Variants in ZFP57 observed in about 807,000 individuals in gnomAD.
The protein encoded by ZFP57 is ZFP57 zinc finger protein.
In ZFP57, 12 loss-of-function variants were observed where a neutral mutation model predicts 15.8. The ratio of observed to expected loss-of-function variants is 0.76; its 90% CI spans 0.49 to 1.23. ZFP57 has a LOEUF of 1.23. Ranked by LOEUF, ZFP57 falls within the 50% of genes most tolerant of loss-of-function variation. ZFP57 has a pLI of 0.00. For missense variants in ZFP57, 536 were observed against 654.9 expected (o/e 0.82, Z 1.98); for synonymous variants, 203 against 242.3 (o/e 0.84, Z 1.51).
At chr6:29,680,743 A>T (rs1314272397) in intron 1 of ZFP57, among the ~76,000 whole-genome samples, 2 of 152,220 alleles carry the variant, frequency 1.3e-5, no homozygotes, top group Non-Finnish European at 2.9e-5. Context: ...TTATGTGCTC[A>T]GAAACGGTCC....
At position 29,672,687 on chromosome 6, in the gene ZFP57, C is replaced by A; in HGVS notation, c.1424G>T (p.Cys475Phe). The A allele has an allele frequency of 6.2e-7, 1 of 1,612,626 alleles. No homozygotes were observed. The highest frequency in any genetic ancestry group is 2.2e-5 in the East Asian group (1 of 44,862). Reference protein sequence around the residue: ...KDLCQSSHHKCRVILGQWLGF... With the variant: ...KDLCQSSHHKFRVILGQWLGF... ...AAGCCACTGGCCCAGGATCACCCGG[C>A]ATTTATGGTGGCTGCTCTGGCACAG... The change falls in exon 5 of 5, where the codon TGC (cysteine) becomes TTC (phenylalanine). Residue 475 changes from cysteine (C) to phenylalanine (F), a missense_variant. Coordinates refer to ENST00000376883, the MANE Select transcript of ZFP57 (RefSeq NM_001109809.5).
chr6:29,675,177 G>A (rs868810220), intron 4 of ZFP57, among the ~76,000 whole-genome samples: 1 of 131,122 alleles, frequency 7.6e-6, no homozygotes, highest in African/African-American at 2.7e-5. Context: ...AAAAAAAAGA[G>A]AGAGAGAGAG....
chr6:29,676,054 T>G lies in ZFP57; in HGVS notation c.129A>C (p.Pro43=), dbSNP rs374295115. The G allele has an allele frequency of 4.4e-6, 7 of 1,606,294 alleles. No homozygotes were observed. Among genetic ancestry groups the G allele is most frequent in the African/African-American group, 1.4e-5 (1 of 73,442 alleles). The change falls in exon 3 of 5, where the codon CCA becomes CCC. Residue 43 remains proline, a synonymous_variant. Transcript: ENST00000376883. ...TCACTGCCACATCCTCAAAGGTGAC[T>G]GGCTTCTGGAAGAACAGGAGAGACT... is the stretch of plus-strand genomic sequence containing the variant. ...CWREARVKKK[P]VTFEDVAVNF...
Position 29,672,625 on chromosome 6 carries a change from C to A in ZFP57, c.1486G>T (p.Glu496Ter). 6.2e-7 allele frequency: 1 copy of A among 1,611,032 alleles called. No individual in the cohort carries two copies. The highest frequency in any genetic ancestry group is 8.5e-7 in the Non-Finnish European group (1 of 1,178,340). Residue 496 changes from glutamate (E) to a stop codon, truncating the protein, a stop_gained, in exon 5 of 5, where the codon GAA becomes TAA. Coordinates refer to ENST00000376883, the MANE Select transcript of ZFP57 (RefSeq NM_001109809.5). LOFTEE classifies it low-confidence loss of function (END_TRUNC). ...GATTGATCACCTCCATGCTTCCATT[C>A]CTCCCCAGCCATAGTGGGGACATCA... Reference protein sequence around the residue: ...SHDVPTMAGEEWKHGGDQSPP... With the variant: ...SHDVPTMAGE
chr6:29,673,789 T>C lies in ZFP57; in HGVS notation c.353-31A>G. ...GTGAATGAGGAAGAATAACACAAAATTCACTGTAAGAACTCCAACAGAGGC... is the reference window on the plus strand; with the variant it reads ...GTGAATGAGGAAGAATAACACAAAACTCACTGTAAGAACTCCAACAGAGGC... On this transcript the variant is annotated intron_variant, in intron 4 of 4. Coordinates refer to ENST00000376883, the MANE Select transcript of ZFP57 (RefSeq NM_001109809.5). The surrounding 1 kb of genome is among the most constrained non-coding windows in gnomAD (Gnocchi z 4.7). 1 of 1,612,516 alleles carries C rather than the reference T, an allele frequency of 6.2e-7. No individual in the cohort carries two copies. The highest frequency in any genetic ancestry group is 1.1e-5 in the South Asian group (1 of 91,080).
intron 1 of ZFP57, among the ~76,000 whole-genome samples, chr6:29,677,768 T>TACACACACACACACACACACAC (rs9278235): frequency 6.7e-6 from 1 of 149,516 alleles, no homozygotes; most frequent in African/African-American, 2.5e-5. Flanking sequence ...ACCAAAATTA[T>TACACACACACACACACACACAC]ACACACACAC....
intron 1 of ZFP57, among the ~76,000 whole-genome samples, chr6:29,679,910 C>A (rs3129059): frequency 0.22 from 22,902 of 106,162 alleles, 1,958 homozygotes; most frequent in East Asian, 0.32. Context: ...AACAAACAAA[C>A]AAAAAAAAAC....
At chr6:29,674,108 GA>G (rs1771927133) in intron 4 of ZFP57, among the ~76,000 whole-genome samples, 1 of 137,430 alleles carries the variant, frequency 7.3e-6, no homozygotes, top group East Asian at 2.1e-4. Flanking sequence ...AAAAAAAAAA[GA>G]AAGAAAGAAA....
chr6:29,672,567 CCT>C lies in ZFP57; in HGVS notation c.1542_1543del (p.Gly515ProfsTer21). 1 of 1,612,928 alleles carries C rather than the reference CCT, an allele frequency of 6.2e-7. No individual in the cohort carries two copies. The highest frequency in any genetic ancestry group is 8.5e-7 in the Non-Finnish European group (1 of 1,179,986). ...TCCTTTGCAGGCCTTCTCTCTTAGG[CCT>C]CTTCTCCTGGGGGTATGGATCCTGG... On this transcript the variant is annotated frameshift_variant, in exon 5 of 5. Transcript: ENST00000376883. LOFTEE classifies it low-confidence loss of function (END_TRUNC).
intron 4 of ZFP57, among the ~76,000 whole-genome samples, chr6:29,674,019 G>A (rs980199415): frequency 7.9e-5 from 12 of 151,882 alleles, no homozygotes; most frequent in Non-Finnish European, 1.5e-4. Context: ...ACTCGAACCC[G>A]GGAGGCGGAG....
At position 29,672,883 on chromosome 6, in the gene ZFP57, G is replaced by C; in HGVS notation, c.1228C>G (p.Pro410Ala). Residue 410 changes from proline (P) to alanine (A), a missense_variant, in exon 5 of 5, where the codon CCG becomes GCG. Physicochemically the swap from Pro to Ala is conservative, Grantham distance 27 (BLOSUM62 -1). Coordinates refer to ENST00000376883, the MANE Select transcript of ZFP57 (RefSeq NM_001109809.5). ...SRHQKAHLTE[P>A]PNYCFHCSKS... ...CTGCAATGGAAGCAGTAGTTGGGCG[G>C]CTCTGTGAGGTGGGCCTTCTGGTGT... 4 of 1,613,084 alleles carry C rather than the reference G, an allele frequency of 2.5e-6. No homozygotes were observed. Among genetic ancestry groups the C allele is most frequent in the Non-Finnish European group, 3.4e-6 (4 of 1,180,032 alleles).
intron 1 of ZFP57, among the ~76,000 whole-genome samples, chr6:29,677,768 T>TGCATACACACACACACAC (rs1554213262): frequency 6.7e-6 from 1 of 149,516 alleles, no homozygotes. Context: ...ACCAAAATTA[T>TGCATACACACACACACAC]ACACACACAC....
Position 29,675,196 on chromosome 6 carries a change from A to G in ZFP57, c.352+190T>C, listed in dbSNP as rs1434870085. Among the ~76,000 whole-genome samples the G allele has an allele frequency of 2.3e-5, 3 of 128,342 alleles. No individual in the cohort carries two copies. The East Asian group carries it at 7.9e-4, about 34-fold the overall frequency. The allele number at this position is 128,342 out of a possible 152,430, so 84.2% of individuals were successfully genotyped here. A position where few individuals can be genotyped will look rare whatever the true frequency, so the allele number is the denominator to read the frequency against. ...AAAAGAGAGAGAGAGAGAGACTTGG[A>G]TCTTCAACTTGAAGTCAAGGGACTT... On this transcript the variant is annotated intron_variant, in intron 4 of 4. Transcript: ENST00000376883.
At chr6:29,677,768 T>TAC (rs9278235) in intron 1 of ZFP57, among the ~76,000 whole-genome samples, 33,178 of 149,526 alleles carry the variant, frequency 0.22, 3,760 homozygotes, top group East Asian at 0.27. Flanking sequence ...ACCAAAATTA[T>TAC]ACACACACAC....
At chr6:29,675,348 G>A (rs768598122) in intron 4 of ZFP57, 38 bp downstream of exon 4, 8 of 1,439,020 alleles carry the variant, frequency 5.6e-6, no homozygotes, top group Non-Finnish European at 6.9e-6. Context: ...GGTTATCCTG[G>A]GCCCTTTTCC....
In ZFP57 at chr6:29,677,192, T is replaced by A. The variant is rs1772119284; in HGVS notation, c.-189A>T. 2.7e-6 allele frequency: 2 copies of A among 743,840 alleles called. No individual in the cohort carries two copies. The highest frequency in any genetic ancestry group is 5.3e-5 in the East Asian group (2 of 37,412). 46.1% of individuals were successfully genotyped at this position (743,840 alleles called of 1,614,324 possible). ...TGCTCCAAGAGGCTGTCTTCCTTTT[T>A]TGTTCTGCTGTCCAAATTCTCCTCT... On this transcript the variant is annotated 5_prime_UTR_variant, in exon 2 of 5. Coordinates refer to ENST00000376883, the MANE Select transcript of ZFP57 (RefSeq NM_001109809.5).
At position 29,673,357 on chromosome 6, in the gene ZFP57, C is replaced by T. The variant is rs762393813; in HGVS notation, c.754G>A (p.Val252Ile). 6.2e-6 allele frequency: 10 copies of T among 1,613,006 alleles called. No homozygotes were observed. The East Asian group carries it at 1.6e-4, about 25-fold the overall frequency. The change falls in exon 5 of 5, where the codon GTC becomes ATC. Residue 252 changes from valine (V) to isoleucine (I), a missense_variant. Physicochemically the swap from Val to Ile is conservative, Grantham distance 29. Transcript: ENST00000376883. The surrounding 1 kb of genome is among the most constrained non-coding windows in gnomAD (Gnocchi z 4.7). Reference sequence around the variant, plus strand: ...GAATGGGGCCGGTAACCCAGATGGACGCGGCGGTGACGACTTAGTCCAGAA... The same window carrying T: ...GAATGGGGCCGGTAACCCAGATGGATGCGGCGGTGACGACTTAGTCCAGAA... Reference protein sequence around the residue: ...DASGLSRHRRVHLGYRPHSCS... With the variant: ...DASGLSRHRRIHLGYRPHSCS...
chr6:29,673,801 A>G lies in ZFP57; in HGVS notation c.353-43T>C. The G allele has an allele frequency of 6.2e-7, 1 of 1,610,646 alleles. No homozygotes were observed. Among genetic ancestry groups the G allele is most frequent in the South Asian group, 1.1e-5 (1 of 91,022 alleles). On this transcript the variant is annotated intron_variant, in intron 4 of 4. Coordinates refer to ENST00000376883, the MANE Select transcript of ZFP57 (RefSeq NM_001109809.5). This position sits in a 1 kb window ranked among gnomAD's most constrained non-coding sequence, Gnocchi z 4.7. The stretch of plus-strand genomic sequence containing the variant: ...GAATAACACAAAATTCACTGTAAGA[A>G]CTCCAACAGAGGCTTGGCATGGTGG...
At chr6:29,674,483 CTA>C (rs1771972736) in intron 4 of ZFP57, among the ~76,000 whole-genome samples, 1 of 152,186 alleles carries the variant, frequency 6.6e-6, no homozygotes, top group African/African-American at 2.4e-5. Flanking sequence ...TTCTTGAAAT[CTA>C]TCTTATCTCA....
Sources: allele counts gnomAD v4.1 joint callset (sites outside exome capture counted in the v4.1 genomes callset), GRCh38; gene constraint gnomAD v4.1.1; non-coding constraint Gnocchi (gnomAD v3.1); transcripts MANE v1.5; gene names NCBI Gene and HGNC (gene_info 2026-07-23, HGNC 2026-07-21).